Variants in TSHR observed in about 807,000 individuals in gnomAD.
TSHR encodes thyroid stimulating hormone receptor.
TSHR carries 51 observed loss-of-function variants against 64.1 expected under a neutral mutation model. That is an observed-to-expected ratio of 0.80 (90% confidence interval 0.64 to 1.01). The LOEUF (loss-of-function observed/expected upper bound fraction) is 1.01. Among genes scored for constraint, TSHR ranks in the 50% least tolerant of loss-of-function variants. The probability of loss-of-function intolerance (pLI) is 0.00; values close to 1 mark genes in which losing one functional copy is unlikely to be tolerated. For missense variants in TSHR, 877 were observed against 942.8 expected, an observed-to-expected ratio of 0.93 and a Z score of 0.91; for synonymous variants, 361 against 361.9, an observed-to-expected ratio of 1.00 and a Z score of 0.03.
At position 80,955,730 on chromosome 14, in the gene TSHR, G is replaced by A. The variant is rs1334550660; in HGVS notation, c.50G>A (p.Arg17Lys). Residue 17 changes from arginine to lysine, a missense_variant, in exon 1 of 10, where the codon AGG becomes AAG. Physicochemically the swap from Arg to Lys is conservative, Grantham distance 26. Coordinates refer to ENST00000298171, the MANE Select transcript of TSHR (RefSeq NM_000369.5). ...LQLVLLLDLP[R>K]DLGGMGCSSP... ...CTGGTGCTGCTGCTCGACCTGCCCA[G>A]GGACCTGGGCGGAATGGGGTGTTCG... is the stretch of plus-strand genomic sequence containing the variant. 1 of 1,614,172 alleles carries A rather than the reference G, an allele frequency of 6.2e-7. No homozygotes were observed. The highest frequency in any genetic ancestry group is 1.7e-5 in the Admixed American group (1 of 60,028).
intron 1 of TSHR, among the ~76,000 whole-genome samples, chr14:80,964,131 C>T (rs1461660709): frequency 5.9e-5 from 9 of 152,222 alleles, no homozygotes; most frequent in South Asian, 2.1e-4. Flanking sequence ...CTTTGAGAGG[C>T]GGAGCGGGGG....
At chr14:81,107,751 A>T (rs1056473313) in intron 7 of TSHR, among the ~76,000 whole-genome samples, 1 of 152,212 alleles carries the variant, frequency 6.6e-6, no homozygotes, top group Non-Finnish European at 1.5e-5. Context: ...ATACAATTTG[A>T]ATTTCAGATC....
chr14:81,049,735 T>A (rs1037703680), intron 1 of TSHR: 3 of 152,208 alleles, frequency 2.0e-5, no homozygotes, highest in Non-Finnish European at 4.4e-5. Flanking sequence ...GTGAGGTGAT[T>A]GGATCACAGG....
intron 1 of TSHR, among the ~76,000 whole-genome samples, chr14:81,029,740 A>G (rs575682974): frequency 3.9e-5 from 6 of 152,166 alleles, no homozygotes; most frequent in Non-Finnish European, 8.8e-5. Context: ...TTTCTAAAGA[A>G]AAGAGGGTGA....
At chr14:81,024,008 T>C (rs563865076) in intron 1 of TSHR, among the ~76,000 whole-genome samples, 6 of 152,304 alleles carry the variant, frequency 3.9e-5, no homozygotes, top group Admixed American at 1.3e-4. Context: ...CAGATATTCT[T>C]CTCAGTGATT....
chr14:81,044,687 T>C (rs1594993785), intron 1 of TSHR, among the ~76,000 whole-genome samples: 1 of 145,202 alleles, frequency 6.9e-6, no homozygotes, highest in African/African-American at 2.5e-5. Flanking sequence ...CACACACACA[T>C]GCACAATGAG....
At chr14:80,995,258 T>A (rs1888949461) in intron 1 of TSHR, 1 of 152,220 alleles carries the variant, frequency 6.6e-6, no homozygotes, top group Non-Finnish European at 1.5e-5. Context: ...GCAGCCATTG[T>A]GGAAGACAAC....
At chr14:81,005,571 G>A (rs748027302) in intron 1 of TSHR, among the ~76,000 whole-genome samples, 16 of 151,978 alleles carry the variant, frequency 1.1e-4, no homozygotes, top group Non-Finnish European at 2.9e-5. Context: ...AATCAATATT[G>A]TTCACAGGGT....
chr14:81,125,279 A>T (rs1040698861), intron 8 of TSHR, among the ~76,000 whole-genome samples: 2 of 152,200 alleles, frequency 1.3e-5, no homozygotes, highest in African/African-American at 4.8e-5. Flanking sequence ...AAACAAAGGC[A>T]TGTCTATAGG....
intron 2 of TSHR, among the ~76,000 whole-genome samples, chr14:81,064,215 C>G (rs1259280765): frequency 6.6e-6 from 1 of 151,888 alleles, no homozygotes; most frequent in Non-Finnish European, 1.5e-5. Flanking sequence ...GATGCAGTGC[C>G]CAAAGTACAG....
intron 1 of TSHR, among the ~76,000 whole-genome samples, chr14:81,029,466 G>A (rs1007354678): frequency 2.6e-5 from 4 of 152,046 alleles, no homozygotes; most frequent in Non-Finnish European, 5.9e-5. Context: ...GAGCTGTCCT[G>A]ATTTGGATTG....
chr14:81,120,967 A>G lies in TSHR; in HGVS notation c.692+12515A>G, dbSNP rs1018761277. On this transcript the variant is annotated intron_variant, in intron 8 of 9. Transcript: ENST00000298171. The stretch of plus-strand genomic sequence containing the variant: ...AGCAGAAGTTGTTAAAGATAAAGGG[A>G]AAAATGGCACTCAGTAGAGACAGCA... Among the ~76,000 whole-genome samples the G allele has an allele frequency of 5.9e-5, 9 of 152,238 alleles. 1 individual carries two copies. Among genetic ancestry groups the G allele is most frequent in the African/African-American group, 2.2e-4 (9 of 41,546 alleles).
At chr14:81,113,370 G>A (rs72689499) in intron 8 of TSHR, among the ~76,000 whole-genome samples, 7,217 of 152,306 alleles carry the variant, frequency 0.047, 226 homozygotes, top group African/African-American at 0.087. Context: ...TGAGATAGGG[G>A]AAGTTAGTTT....
intron 3 of TSHR, among the ~76,000 whole-genome samples, chr14:81,080,797 A>T (rs1004294184): frequency 6.6e-6 from 1 of 152,194 alleles, no homozygotes; most frequent in Non-Finnish European, 1.5e-5. Flanking sequence ...AGTAAGTGCT[A>T]GTCTAACAGT....
At chr14:80,964,172 C>G (rs1566739356) in intron 1 of TSHR, among the ~76,000 whole-genome samples, 2 of 152,138 alleles carry the variant, frequency 1.3e-5, no homozygotes. Flanking sequence ...TCGAGACCAT[C>G]CTGGCTAACA....
chr14:81,050,326 A>T (rs1312867016), intron 1 of TSHR: 1 of 152,198 alleles, frequency 6.6e-6, no homozygotes, highest in East Asian at 1.9e-4. Flanking sequence ...AAACAACAAT[A>T]CTATGCTCTC....
intron 1 of TSHR, among the ~76,000 whole-genome samples, chr14:81,024,394 G>T (rs1883936469): frequency 6.6e-6 from 1 of 151,924 alleles, no homozygotes; most frequent in African/African-American, 2.4e-5. Context: ...GACTACAGGT[G>T]CACGCCACCA....
At chr14:81,011,272 G>A (rs1466951490) in intron 1 of TSHR, among the ~76,000 whole-genome samples, 1 of 151,270 alleles carries the variant, frequency 6.6e-6, no homozygotes, top group Non-Finnish European at 1.5e-5. Context: ...GTTTTTGAAA[G>A]TTTGGTAAAT....
chr14:81,055,455 G>A (rs1309005846), intron 1 of TSHR, among the ~76,000 whole-genome samples: 4 of 152,244 alleles, frequency 2.6e-5, no homozygotes, highest in African/African-American at 4.8e-5. Context: ...TCCAGACCCC[G>A]GAATGGTAGA....
Sources: allele counts gnomAD v4.1 joint callset (sites outside exome capture counted in the v4.1 genomes callset), GRCh38; gene constraint gnomAD v4.1.1; transcripts MANE v1.5; gene names NCBI Gene and HGNC (gene_info 2026-07-23, HGNC 2026-07-21).